SH3D21: variants seen among roughly 807,000 people sequenced by gnomAD.
SH3D21 encodes the protein SH3 domain-containing protein 21.
SH3D21 carries 83 observed loss-of-function variants against 82.1 expected under a neutral mutation model. That is an observed-to-expected ratio of 1.01 (90% confidence interval 0.85 to 1.21). The LOEUF (loss-of-function observed/expected upper bound fraction) is 1.21. SH3D21 is among the 50% of genes most tolerant of loss of function. The pLI, the probability that SH3D21 is intolerant of heterozygous loss-of-function variation, is 0.00. For missense variants in SH3D21, 980 were observed against 962.1 expected (o/e 1.02, Z -0.25); for synonymous variants, 383 against 387.8 (o/e 0.99, Z 0.15).
At chr1:36,326,004 C>T (rs1646540504), downstream of SH3D21, among the ~76,000 whole-genome samples, 1 of 152,266 alleles carries the variant, frequency 6.6e-6, no homozygotes, top group South Asian at 2.1e-4. Flanking sequence ...TGGACAACAC[C>T]TGGGAGTGGC....
intron 10 of SH3D21, among the ~76,000 whole-genome samples, chr1:36,311,850 T>C (rs1034375879): frequency 4.6e-5 from 7 of 151,814 alleles, no homozygotes; most frequent in Admixed American, 2.6e-4. Context: ...CAAGCCACCA[T>C]GTGCAGCTAA....
Position 36,307,568 on chromosome 1 carries a change from C to G in SH3D21, c.397C>G (p.Pro133Ala). 1 of 1,551,630 alleles carries G rather than the reference C, an allele frequency of 6.4e-7. No homozygotes were observed. The highest frequency in any genetic ancestry group is 1.4e-5 in the African/African-American group (1 of 73,126). ...GAAGAACGGGCAGCTGGGAGCCTTC[C>G]CATCCAACTTTGTGGAATTGCTGGA... The part of the protein sequence containing the change: ...GKKNGQLGAF[P>A]SNFVELLDSG... Residue 133 changes from proline to alanine, a missense_variant, in exon 5 of 16, where the codon CCA (proline) becomes GCA (alanine). Pro to Ala is a conservative substitution (Grantham distance 27). Transcript: ENST00000453908. This position sits in a 1 kb window ranked among gnomAD's most constrained non-coding sequence, Gnocchi z 5.4.
Position 36,306,475 on chromosome 1 carries a change from A to G in SH3D21, c.4+51A>G, listed in dbSNP as rs1169396024. 3.1e-6 allele frequency: 4 copies of G among 1,305,114 alleles called. No homozygotes were observed. The highest frequency in any genetic ancestry group is 4.0e-6 in the Non-Finnish European group (4 of 988,926). The allele number at this position is 1,305,114 out of a possible 1,614,324, so 80.8% of individuals were successfully genotyped here. ...CTCTCTCTGCAACCGTGGACATAGCAAGAGCCCACACCACCCCCCGACCCC... is the reference window on the plus strand; with the variant it reads ...CTCTCTCTGCAACCGTGGACATAGCGAGAGCCCACACCACCCCCCGACCCC... On this transcript the variant is annotated intron_variant, in intron 1 of 15. Transcript: ENST00000453908. This position sits in a 1 kb window ranked among gnomAD's most constrained non-coding sequence, Gnocchi z 4.5.
chr1:36,315,991 C>T (rs1281422823), intron 10 of SH3D21, among the ~76,000 whole-genome samples: 1 of 152,090 alleles, frequency 6.6e-6, no homozygotes, highest in African/African-American at 2.4e-5. Context: ...CCTGATTGTC[C>T]TTTGTTGCAT....
Position 36,319,500 on chromosome 1 carries a change from A to AACCC in SH3D21, c.977_980dup (p.Gln327HisfsTer56). The stretch of plus-strand genomic sequence containing the variant: ...ATCACCCTGGCCGAAAGCGATCCAA[A>AACCC]ACCCAGACTCCCCAGCAACGCTCTG... On this transcript the variant is annotated frameshift_variant, in exon 13 of 16. Transcript: ENST00000453908. LOFTEE classifies it high-confidence loss of function. The AACCC allele has an allele frequency of 6.4e-7, 1 of 1,551,588 alleles. No individual in the cohort carries two copies. Among genetic ancestry groups the AACCC allele is most frequent in the Non-Finnish European group, 8.7e-7 (1 of 1,146,954 alleles).
In SH3D21 at chr1:36,307,114, C is replaced by T. The variant is rs1646141781; in HGVS notation, c.227-53C>T. On this transcript the variant is annotated intron_variant, in intron 3 of 15. Transcript: ENST00000453908. This position sits in a 1 kb window ranked among gnomAD's most constrained non-coding sequence, Gnocchi z 5.4. ...CGTGCGCGCCTTGCGCTTCCCCCAG[C>T]TCCTCTGACTGGGGCGTCCGACTGG... The T allele has an allele frequency of 6.5e-7, 1 of 1,547,064 alleles. No individual in the cohort carries two copies. Among genetic ancestry groups the T allele is most frequent in the African/African-American group, 1.4e-5 (1 of 72,962 alleles).
chr1:36,327,590 A>G (rs1413847321), downstream of SH3D21: 1 of 1,015,438 alleles, frequency 9.8e-7, no homozygotes, highest in Non-Finnish European at 1.3e-6. Flanking sequence ...CTGGGTTGGT[A>G]TGTGACATAT....
At chr1:36,314,035 T>C (rs1216085846) in intron 10 of SH3D21, among the ~76,000 whole-genome samples, 5 of 122,398 alleles carry the variant, frequency 4.1e-5, no homozygotes, top group East Asian at 2.9e-4. Flanking sequence ...AGTGCAGTGG[T>C]GCGATCTTGG....
rs890287743 is a variant in SH3D21, at chr1:36,307,741, C to T, written c.437-29C>T. On this transcript the variant is annotated intron_variant, in intron 5 of 15. Transcript: ENST00000453908. The surrounding 1 kb of genome is among the most constrained non-coding windows in gnomAD (Gnocchi z 5.4). ...CCATGACCTAACCTGTGAATTAGCA[C>T]CCTCCCTAACCTCACTGTCCCCCAC... 3 of 1,549,528 alleles carry T rather than the reference C, an allele frequency of 1.9e-6. No homozygotes were observed. Among genetic ancestry groups the T allele is most frequent in the Non-Finnish European group, 2.6e-6 (3 of 1,145,620 alleles).
In SH3D21 at chr1:36,307,297, G is replaced by A. The variant is rs1346448123; in HGVS notation, c.345+12G>A. The A allele has an allele frequency of 1.3e-6, 2 of 1,551,742 alleles. No homozygotes were observed. The highest frequency in any genetic ancestry group is 8.7e-7 in the Non-Finnish European group (1 of 1,147,018). ...AAATGATAAAGGAGGTGAGGGGTGA[G>A]GTGATGGGACCGTTTGGGGGAGGAT... On this transcript the variant is annotated intron_variant, in intron 4 of 15. Transcript: ENST00000453908. The surrounding 1 kb of genome is among the most constrained non-coding windows in gnomAD (Gnocchi z 5.4).
At chr1:36,324,899 C>T (rs550829470), downstream of SH3D21, 22 of 152,298 alleles carry the variant, frequency 1.4e-4, no homozygotes, top group African/African-American at 5.1e-4. Flanking sequence ...CTGTGTATGC[C>T]TAGCACTTCC....
rs774514258 is a variant in SH3D21 at position 36,320,475 on chromosome 1, GC to G, written c.1818del (p.Asn607ThrfsTer6). The G allele has an allele frequency of 3.7e-6, 6 of 1,613,668 alleles. No homozygotes were observed. The highest frequency in any genetic ancestry group is 1.7e-5 in the Admixed American group (1 of 59,904). On this transcript the variant is annotated frameshift_variant, in exon 14 of 16. Coordinates refer to ENST00000453908, the MANE Select transcript of SH3D21 (RefSeq NM_001162530.2). LOFTEE classifies it high-confidence loss of function. ...ACGAGAGGACCCCTGAAGAGGAGGC[GC>G]CCCCCAACGAGCAGAGGCCTCTGAG... Reference protein sequence around the residue: ...NDERTPEEEAPPNEQRPLREE... With the variant: ...NDERTPEEEAXPNEQRPLREE...
intron 10 of SH3D21, 117 bp downstream of exon 10, chr1:36,309,707 C>T: frequency 8.9e-7 from 1 of 1,124,054 alleles, no homozygotes; most frequent in South Asian, 1.5e-5. Flanking sequence ...GGAGCCCCCT[C>T]ACCTGTGGGT....
downstream of SH3D21, chr1:36,322,562 G>A: frequency 6.3e-7 from 1 of 1,592,172 alleles, no homozygotes; most frequent in South Asian, 1.1e-5. Flanking sequence ...CCTCGTCGTC[G>A]TCCTCGGGCT....
At chr1:36,322,183 C>T, downstream of SH3D21, 2 of 1,368,348 alleles carry the variant, frequency 1.5e-6, no homozygotes, top group Non-Finnish European at 1.9e-6. Context: ...CGGTCCACGC[C>T]CAGTAGCACC....
chr1:36,308,614 T>C, intron 9 of SH3D21, 139 bp downstream of exon 9: 2 of 657,462 alleles, frequency 3.0e-6, no homozygotes, highest in Non-Finnish European at 5.2e-6. Flanking sequence ...CCTTTTGGAT[T>C]CTAATACCGG....
Position 36,307,095 on chromosome 1 carries a change from C to T in SH3D21, c.227-72C>T. Reference sequence around the variant, plus strand: ...CTGGAGGGACCAAAGGCTACGTGCGCGCCTTGCGCTTCCCCCAGCTCCTCT... The same window carrying T: ...CTGGAGGGACCAAAGGCTACGTGCGTGCCTTGCGCTTCCCCCAGCTCCTCT... On this transcript the variant is annotated intron_variant, in intron 3 of 15. Transcript: ENST00000453908. The surrounding 1 kb of genome is among the most constrained non-coding windows in gnomAD (Gnocchi z 5.4). The T allele has an allele frequency of 1.3e-6, 2 of 1,540,234 alleles. No individual in the cohort carries two copies. Among genetic ancestry groups the T allele is most frequent in the Middle Eastern group, 1.8e-4 (1 of 5,608 alleles).
At position 36,306,598 on chromosome 1, in the gene SH3D21, A is replaced by T. The variant is rs1342749113; in HGVS notation, c.5A>T (p.Glu2Val). 2.0e-5 allele frequency: 26 copies of T among 1,302,640 alleles called. No homozygotes were observed. Among genetic ancestry groups the T allele is most frequent in the Non-Finnish European group, 2.6e-5 (26 of 988,592 alleles). 80.7% of individuals were successfully genotyped at this position (1,302,640 alleles called of 1,614,324 possible). Residue 2 changes from glutamate (E) to valine (V), a missense_variant and splice_region_variant, in exon 2 of 16, where the codon GAA (glutamate) becomes GTA (valine). By Grantham distance (121) the Glu-to-Val change is moderately radical. Transcript: ENST00000453908. The surrounding 1 kb of genome is among the most constrained non-coding windows in gnomAD (Gnocchi z 4.5). The part of the protein sequence containing the change: M[E>V]VLVLAGYRAQ... The stretch of plus-strand genomic sequence containing the variant: ...CGCCGGCCCCGTCTTCCGCCCGCAG[A>T]AGTCCTCGTCCTGGCCGGATACCGC...
chr1:36,306,903 G>C lies in SH3D21; in HGVS notation c.224G>C (p.Arg75Pro), dbSNP rs754958143. Residue 75 changes from arginine (R) to proline (P), a missense_variant and splice_region_variant, in exon 3 of 16, where the codon CGA becomes CCA. Physicochemically the swap from Arg to Pro is moderately radical, Grantham distance 103. Coordinates refer to ENST00000453908, the MANE Select transcript of SH3D21 (RefSeq NM_001162530.2). This position sits in a 1 kb window ranked among gnomAD's most constrained non-coding sequence, Gnocchi z 4.5. ...EARRPRCARR[R>P]GHPAKHPRPQ... ...CGGAGGCCGCGCTGTGCGCGCCGCC[G>C]AGGTGAGCGCAAGGGCGGGGACGGG... 2 of 1,322,880 alleles carry C rather than the reference G, an allele frequency of 1.5e-6. No individual in the cohort carries two copies. The highest frequency in any genetic ancestry group is 2.5e-5 in the South Asian group (2 of 80,412). 81.9% of individuals were successfully genotyped at this position (1,322,880 alleles called of 1,614,324 possible). A position where few individuals can be genotyped will look rare whatever the true frequency, so the allele number is the denominator to read the frequency against.
Sources: allele counts gnomAD v4.1 joint callset (sites outside exome capture counted in the v4.1 genomes callset), GRCh38; gene constraint gnomAD v4.1.1; non-coding constraint Gnocchi (gnomAD v3.1); transcripts MANE v1.5; gene names NCBI Gene and HGNC (gene_info 2026-07-23, HGNC 2026-07-21).